TNFRSF11B: variants seen among roughly 807,000 people sequenced by gnomAD.
The protein encoded by TNFRSF11B is tumor necrosis factor receptor superfamily member 11B.
A neutral mutation model predicts 43.4 loss-of-function variants in TNFRSF11B; 16 were observed. The observed-to-expected ratio is 0.37, with a 90% confidence interval of 0.25 to 0.56. TNFRSF11B has a LOEUF of 0.56. Ranked by LOEUF, TNFRSF11B falls within the 20% of genes least tolerant of loss-of-function variation. The pLI is 0.80. For synonymous variants in TNFRSF11B, 185 were observed against 181.8 expected, an observed-to-expected ratio of 1.02 and a Z score of -0.14; for missense variants, 444 against 490.1, an observed-to-expected ratio of 0.91 and a Z score of 0.89.
At position 118,924,659 on chromosome 8, in the gene TNFRSF11B, C is replaced by T; in HGVS notation, c.921G>A (p.Val307=). Residue 307 remains valine, a synonymous_variant, in exon 5 of 5, where the codon GTG becomes GTA. Transcript: ENST00000297350. ...SLMESLPGKK[V]GAEDIEKTIK... is the part of the protein sequence containing the mutation. The stretch of plus-strand genomic sequence containing the variant: ...TTGTTTTTTCAATGTCTTCTGCTCC[C>T]ACTTTCTTTCCCGGTAAGCTTTCCA... The T allele has an allele frequency of 6.2e-7, 1 of 1,614,152 alleles. No individual in the cohort carries two copies. Among genetic ancestry groups the T allele is most frequent in the Non-Finnish European group, 8.5e-7 (1 of 1,180,030 alleles).
In TNFRSF11B at chr8:118,923,583, A is replaced by C. The variant is rs1385691402; in HGVS notation, c.*791T>G. The C allele has an allele frequency of 6.6e-6, 1 of 152,598 alleles. No individual in the cohort carries two copies. Among genetic ancestry groups the C allele is most frequent in the Non-Finnish European group, 1.5e-5 (1 of 68,042 alleles). The allele number at this position is 152,598 out of a possible 1,614,324, so 9.5% of individuals were successfully genotyped here. On this transcript the variant is annotated 3_prime_UTR_variant, in exon 5 of 5. Coordinates refer to ENST00000297350, the MANE Select transcript of TNFRSF11B (RefSeq NM_002546.4). ...AAAAAATAATTTGAAAACTTTAATA[A>C]TGTCATTTATATAGTTATAAAACCA...
In TNFRSF11B at chr8:118,926,664, G is replaced by A. The variant is rs773538970; in HGVS notation, c.647C>T (p.Thr216Met). 1.7e-5 allele frequency: 27 copies of A among 1,613,936 alleles called. No homozygotes were observed. The highest frequency in any genetic ancestry group is 5.5e-5 in the South Asian group (5 of 91,086). The change falls in exon 4 of 5, where the codon ACG becomes ATG. Residue 216 changes from threonine to methionine, a missense_variant. Physicochemically the swap from Thr to Met is moderately conservative, Grantham distance 81. Coordinates refer to ENST00000297350, the MANE Select transcript of TNFRSF11B (RefSeq NM_002546.4). ...FFRFAVPTKF[T>M]PNWLSVLVDN... Reference sequence around the variant, plus strand: ...TACCAAGACACTAAGCCAGTTAGGCGTAAACTTTGTAGGAACAGCAAACCT... The same window carrying A: ...TACCAAGACACTAAGCCAGTTAGGCATAAACTTTGTAGGAACAGCAAACCT...
chr8:118,930,896 A>G, intron 2 of TNFRSF11B: 1 of 253,808 alleles, frequency 3.9e-6, no homozygotes. Flanking sequence ...TTATCTAATG[A>G]CCTTCCTGAA....
chr8:118,932,942 A>G lies in TNFRSF11B; in HGVS notation c.389T>C (p.Val130Ala), dbSNP rs780302337. ...KHRSCPPGFGVVQAGTPERNT... is the reference protein window; with the variant it reads ...KHRSCPPGFGAVQAGTPERNT... ...ACATTGACACGTACCAGCTTGCACC[A>G]CTCCAAATCCAGGAGGGCAGCTCCT... The change falls in exon 2 of 5, where the codon GTG becomes GCG. Residue 130 changes from valine (V) to alanine (A), a missense_variant. By Grantham distance (64) the Val-to-Ala change is moderately conservative. Transcript: ENST00000297350. 4 of 1,613,928 alleles carry G rather than the reference A, an allele frequency of 2.5e-6. No homozygotes were observed. Among genetic ancestry groups the G allele is most frequent in the Admixed American group, 3.3e-5 (2 of 60,006 alleles).
At chr8:118,927,081 G>A (rs1812255358) in intron 3 of TNFRSF11B, among the ~76,000 whole-genome samples, 1 of 152,178 alleles carries the variant, frequency 6.6e-6, no homozygotes, top group African/African-American at 2.4e-5. Flanking sequence ...CATGATTAAT[G>A]TCAAAACAAA....
At chr8:118,945,620 G>A (rs1812550747) in intron 1 of TNFRSF11B, among the ~76,000 whole-genome samples, 2 of 152,082 alleles carry the variant, frequency 1.3e-5, no homozygotes, top group South Asian at 2.1e-4. Context: ...TGGTGATGGT[G>A]GTGGTGGTGA....
chr8:118,936,724 G>A (rs1320827186), intron 1 of TNFRSF11B, among the ~76,000 whole-genome samples: 4 of 152,044 alleles, frequency 2.6e-5, no homozygotes, highest in African/African-American at 4.8e-5. Flanking sequence ...GAGGAAGGAT[G>A]AGGTGCTGTC....
At chr8:118,932,398 G>A (rs1233693680) in intron 2 of TNFRSF11B, among the ~76,000 whole-genome samples, 2 of 152,098 alleles carry the variant, frequency 1.3e-5, no homozygotes, top group Non-Finnish European at 2.9e-5. Flanking sequence ...CAAACACTCA[G>A]CTCCCATGCT....
intron 1 of TNFRSF11B, among the ~76,000 whole-genome samples, chr8:118,940,249 C>T (rs1812466181): frequency 6.6e-6 from 1 of 152,064 alleles, no homozygotes; most frequent in Non-Finnish European, 1.5e-5. Flanking sequence ...TTGATGGGTG[C>T]AGCAAACCAA....
chr8:118,943,664 A>G (rs1812519376), intron 1 of TNFRSF11B, among the ~76,000 whole-genome samples: 1 of 152,178 alleles, frequency 6.6e-6, no homozygotes, highest in African/African-American at 2.4e-5. Flanking sequence ...TAAGTGAAAT[A>G]TGGTATGTAA....
Position 118,924,578 on chromosome 8 carries a change from T to C in TNFRSF11B, c.1002A>G (p.Ile334Met), listed in dbSNP as rs758824253. 1.2e-5 allele frequency: 19 copies of C among 1,614,118 alleles called. No homozygotes were observed. The highest frequency in any genetic ancestry group is 1.0e-5 in the Non-Finnish European group (12 of 1,180,046). ...TCAAGGTGTCTTGGTCGCCATTTTT[T>C]ATTCGCCACAAACTGAGCAGCTTCA... The part of the protein sequence containing the change: ...QILKLLSLWR[I>M]KNGDQDTLKG... The change falls in exon 5 of 5, where the codon ATA becomes ATG. Residue 334 changes from isoleucine (I) to methionine (M), a missense_variant. Physicochemically the swap from Ile to Met is conservative, Grantham distance 10. Coordinates refer to ENST00000297350, the MANE Select transcript of TNFRSF11B (RefSeq NM_002546.4).
chr8:118,932,823 G>T, intron 2 of TNFRSF11B, 108 bp downstream of exon 2: 1 of 1,452,294 alleles, frequency 6.9e-7, no homozygotes, highest in Non-Finnish European at 9.5e-7. Flanking sequence ...CATTACCTTT[G>T]CAATTTGCTA....
At chr8:118,934,702 T>G (rs955562626) in intron 1 of TNFRSF11B, among the ~76,000 whole-genome samples, 1 of 151,086 alleles carries the variant, frequency 6.6e-6, no homozygotes, top group Admixed American at 6.6e-5. Flanking sequence ...TGTTTGTTTT[T>G]GGTACAGAGA....
At chr8:118,940,718 T>C (rs911320027) in intron 1 of TNFRSF11B, among the ~76,000 whole-genome samples, 3 of 152,178 alleles carry the variant, frequency 2.0e-5, no homozygotes, top group African/African-American at 7.2e-5. Context: ...GACACCTAAA[T>C]TGTGCCCTAA....
intron 4 of TNFRSF11B, among the ~76,000 whole-genome samples, chr8:118,925,071 G>A (rs1354353659): frequency 1.3e-5 from 2 of 152,152 alleles, no homozygotes; most frequent in African/African-American, 4.8e-5. Flanking sequence ...GAAAAAGTTT[G>A]AGAAATTAAA....
intron 1 of TNFRSF11B, among the ~76,000 whole-genome samples, chr8:118,945,156 T>A (rs1462486168): frequency 6.6e-6 from 1 of 152,158 alleles, no homozygotes; most frequent in African/African-American, 2.4e-5. Flanking sequence ...CATGAACCAA[T>A]GGGGCAGAAT....
chr8:118,924,721 G>T lies in TNFRSF11B; in HGVS notation c.859C>A (p.His287Asn). 3 of 1,614,194 alleles carry T rather than the reference G, an allele frequency of 1.9e-6. No homozygotes were observed. The highest frequency in any genetic ancestry group is 2.5e-6 in the Non-Finnish European group (3 of 1,180,040). ...CENSVQRHIGHANLTFEQLRS... is the reference protein window; with the variant it reads ...CENSVQRHIGNANLTFEQLRS... ...AGCTGCTCGAAGGTGAGGTTAGCAT[G>T]TCCAATGTGCCGCTGCACGCTGTTT... Residue 287 changes from histidine (H) to asparagine (N), a missense_variant, in exon 5 of 5, where the codon CAT (histidine) becomes AAT (asparagine). His to Asn is a moderately conservative substitution (Grantham distance 68). Coordinates refer to ENST00000297350, the MANE Select transcript of TNFRSF11B (RefSeq NM_002546.4).
At position 118,925,390 on chromosome 8, in the gene TNFRSF11B, G is replaced by A. The variant is rs11573936; in HGVS notation, c.818-628C>T. 1.6e-3 allele frequency among the ~76,000 whole-genome samples: 237 copies of A among 152,232 alleles called. 2 individuals carry two copies. Among genetic ancestry groups the A allele is most frequent in the African/African-American group, 5.4e-3 (225 of 41,552 alleles). On this transcript the variant is annotated intron_variant, in intron 4 of 4. Transcript: ENST00000297350. ...GTATCTGTGAGCCCTAAGGCAAATCGGTTCATCTTTCTGGGTTAAAATGTC... is the reference window on the plus strand; with the variant it reads ...GTATCTGTGAGCCCTAAGGCAAATCAGTTCATCTTTCTGGGTTAAAATGTC...
At chr8:118,941,096 A>C (rs1196621010) in intron 1 of TNFRSF11B, among the ~76,000 whole-genome samples, 2 of 152,224 alleles carry the variant, frequency 1.3e-5, no homozygotes, top group Non-Finnish European at 2.9e-5. Context: ...TCATCTGTAA[A>C]ATGATAGTGA....
Sources: gnomAD v4.1 joint callset for allele counts (sites outside exome capture counted in the v4.1 genomes callset) on GRCh38, gnomAD v4.1.1 for gene constraint, MANE v1.5 for transcripts, NCBI Gene and HGNC (gene_info 2026-07-23, HGNC 2026-07-21) for gene names.